LRP1B: variants seen among roughly 807,000 people sequenced by gnomAD.
LRP1B encodes low-density lipoprotein receptor-related protein 1B.
Under a neutral mutation model 556.6 loss-of-function variants are expected in LRP1B, and 217 were observed. The observed-to-expected ratio is 0.39, with a 90% CI of 0.35 to 0.44. LRP1B has a LOEUF of 0.44. LRP1B is among the 20% of genes least tolerant of loss of function. The pLI is 1.00. For synonymous variants in LRP1B, 2,047 were observed against 1,865.8 expected, an observed-to-expected ratio of 1.10 and a Z score of -2.50; for missense variants, 5,053 against 5,620.8, an observed-to-expected ratio of 0.90 and a Z score of 3.23.
At chr2:141,417,823 A>G (rs2104957072) in intron 3 of LRP1B, among the ~76,000 whole-genome samples, 1 of 149,000 alleles carries the variant, frequency 6.7e-6, no homozygotes, top group East Asian at 2.0e-4. Context: ...GAGTTTACAT[A>G]TCTACCAACA....
chr2:141,904,357 A>G (rs1223095811), intron 1 of LRP1B, among the ~76,000 whole-genome samples: 1 of 151,822 alleles, frequency 6.6e-6, no homozygotes, highest in Non-Finnish European at 1.5e-5. Context: ...TACTGATAGC[A>G]AGGGTGTGAG....
chr2:140,978,692 T>A (rs919857010), intron 18 of LRP1B, among the ~76,000 whole-genome samples: 1 of 152,200 alleles, frequency 6.6e-6, no homozygotes, highest in Admixed American at 6.5e-5. Flanking sequence ...AGTGAAATTG[T>A]GCCTACTAGA....
intron 57 of LRP1B, among the ~76,000 whole-genome samples, chr2:140,491,962 GCTCT>G (rs1215959578): frequency 6.6e-6 from 1 of 152,134 alleles, no homozygotes; most frequent in Non-Finnish European, 1.5e-5. Context: ...GGAGAGCAGG[GCTCT>G]CTATCAATGC....
intron 7 of LRP1B, among the ~76,000 whole-genome samples, chr2:141,186,094 A>AAAAC (rs1681247403): frequency 6.6e-6 from 1 of 151,142 alleles, no homozygotes; most frequent in African/African-American, 2.4e-5. Flanking sequence ...AAAAAAAAAA[A>AAAAC]AAAAACCAGT....
intron 23 of LRP1B, among the ~76,000 whole-genome samples, chr2:140,889,728 T>A (rs1487111782): frequency 1.3e-5 from 2 of 152,168 alleles, no homozygotes; most frequent in African/African-American, 4.8e-5. Flanking sequence ...CATGCCAAAG[T>A]CACACAGCTC....
chr2:140,339,074 T>A (rs1250260840), intron 77 of LRP1B, among the ~76,000 whole-genome samples: 1 of 151,766 alleles, frequency 6.6e-6, no homozygotes, highest in Non-Finnish European at 1.5e-5. Context: ...GCTCTCTAAA[T>A]ACACAGCCAG....
chr2:140,624,000 AAAAC>A (rs1683560770), intron 41 of LRP1B, among the ~76,000 whole-genome samples: 1 of 124,016 alleles, frequency 8.1e-6, no homozygotes, highest in Non-Finnish European at 1.7e-5. Flanking sequence ...AATCACTGTT[AAAAC>A]ATATTTTGAA....
intron 3 of LRP1B, among the ~76,000 whole-genome samples, chr2:141,348,958 T>C (rs1405164280): frequency 6.6e-6 from 1 of 152,044 alleles, no homozygotes; most frequent in Non-Finnish European, 1.5e-5. Flanking sequence ...CCATGTATGA[T>C]GTGACTTGTT....
chr2:140,806,934 T>C (rs1690738744), intron 32 of LRP1B, among the ~76,000 whole-genome samples: 1 of 152,374 alleles, frequency 6.6e-6, no homozygotes, highest in African/African-American at 2.4e-5. Context: ...CAACTTTCTC[T>C]TCAGTGTAAA....
chr2:141,991,027 A>T (rs1343895253), intron 1 of LRP1B, among the ~76,000 whole-genome samples: 3 of 151,974 alleles, frequency 2.0e-5, no homozygotes, highest in African/African-American at 7.2e-5. Context: ...GCACTTTTTC[A>T]GAGTAAATAT....
chr2:141,869,558 A>C (rs1698518842), intron 1 of LRP1B, among the ~76,000 whole-genome samples: 2 of 152,096 alleles, frequency 1.3e-5, no homozygotes, highest in African/African-American at 4.8e-5. Context: ...ACCTTACCAT[A>C]AAAAGGTAGT....
chr2:140,361,799 C>G (rs1429267839), intron 72 of LRP1B, among the ~76,000 whole-genome samples: 1 of 151,384 alleles, frequency 6.6e-6, no homozygotes, highest in Non-Finnish European at 1.5e-5. Context: ...ACATTTTATG[C>G]TGGTTGTTGA....
intron 7 of LRP1B, among the ~76,000 whole-genome samples, chr2:141,183,851 G>A (rs2105179527): frequency 6.6e-6 from 1 of 151,900 alleles, no homozygotes; most frequent in South Asian, 2.1e-4. Context: ...TCCAACTTTG[G>A]TACCTTGACT....
chr2:141,797,435 T>G (rs1045532743), intron 2 of LRP1B, among the ~76,000 whole-genome samples: 15 of 151,874 alleles, frequency 9.9e-5, no homozygotes, highest in African/African-American at 3.4e-4. Context: ...TTAGCTAGAC[T>G]AGGAAAATCC....
Position 141,141,748 on chromosome 2 carries a change from AAT to A in LRP1B, c.1013+46671_1013+46672del, listed in dbSNP as rs1574118067. 5.3e-5 allele frequency among the ~76,000 whole-genome samples: 8 copies of A among 152,322 alleles called. No homozygotes were observed. In the South Asian group the frequency reaches 1.7e-3, roughly 32 times the overall value. ...GAGAGAAAATGAAACAGTCACCAAG[AAT>A]AGTTTTTATTTACACATTTTTGTCA... is the stretch of plus-strand genomic sequence containing the variant. On this transcript the variant is annotated intron_variant, in intron 7 of 90. Coordinates refer to ENST00000389484, the MANE Select transcript of LRP1B (RefSeq NM_018557.3).
chr2:141,731,395 G>A (rs185539579), intron 2 of LRP1B, among the ~76,000 whole-genome samples: 6 of 152,186 alleles, frequency 3.9e-5, no homozygotes, highest in Admixed American at 6.5e-5. Flanking sequence ...TATGTCCTCC[G>A]TGGCTCTCCA....
chr2:141,599,462 G>A (rs892595077), intron 2 of LRP1B, among the ~76,000 whole-genome samples: 4 of 152,102 alleles, frequency 2.6e-5, no homozygotes, highest in Admixed American at 6.6e-5. Context: ...GCCACTGCAG[G>A]AAGTGTGAAA....
At chr2:141,438,204 C>T (rs893958923) in intron 3 of LRP1B, among the ~76,000 whole-genome samples, 6 of 152,024 alleles carry the variant, frequency 3.9e-5, no homozygotes, top group Admixed American at 1.3e-4. Context: ...AAGTTGATTA[C>T]GGAGTCTGTT....
At chr2:141,664,968 A>G (rs536572426) in intron 2 of LRP1B, among the ~76,000 whole-genome samples, 2 of 152,330 alleles carry the variant, frequency 1.3e-5, no homozygotes, top group African/African-American at 4.8e-5. Context: ...CTACAAGTCT[A>G]CAATAACCAA....
Sources: allele counts gnomAD v4.1 joint callset (sites outside exome capture counted in the v4.1 genomes callset), GRCh38; gene constraint gnomAD v4.1.1; transcripts MANE v1.5; gene names NCBI Gene and HGNC (gene_info 2026-07-23, HGNC 2026-07-21).